GALNTL6: variants seen among roughly 807,000 people sequenced by gnomAD.
GALNTL6 encodes the protein polypeptide N-acetylgalactosaminyltransferase-like 6.
Under a neutral mutation model 73.7 loss-of-function variants are expected in GALNTL6, and 46 were observed. That is an observed-to-expected ratio of 0.62 (90% CI 0.49 to 0.80). The LOEUF is 0.80. Ranked by LOEUF, GALNTL6 falls within the 30% of genes least tolerant of loss-of-function variation. The pLI, the probability that GALNTL6 is intolerant of heterozygous loss-of-function variation, is 0.00. For missense variants in GALNTL6, 604 were observed against 755.0 expected (o/e 0.80, Z 2.34); for synonymous variants, 259 against 263.7 (o/e 0.98, Z 0.17).
chr4:171,919,449 C>T (rs186144913), intron 2 of GALNTL6, among the ~76,000 whole-genome samples: 135 of 152,050 alleles, frequency 8.9e-4, no homozygotes, highest in Middle Eastern at 3.4e-3. Flanking sequence ...TGTTAGAAGA[C>T]GGATTATAGA....
chr4:171,854,414 T>C (rs1188920073), intron 2 of GALNTL6, among the ~76,000 whole-genome samples: 1 of 152,226 alleles, frequency 6.6e-6, no homozygotes, highest in Admixed American at 6.5e-5. Context: ...CAGTTGTCAA[T>C]TTCCATGCAT....
chr4:172,227,338 A>G (rs1283835934), intron 2 of GALNTL6, among the ~76,000 whole-genome samples: 2 of 152,224 alleles, frequency 1.3e-5, no homozygotes, highest in Non-Finnish European at 2.9e-5. Flanking sequence ...GGCTAACAAC[A>G]TAGGCTAACA....
At chr4:172,875,730 T>G (rs1745159320) in intron 7 of GALNTL6, among the ~76,000 whole-genome samples, 1 of 50,796 alleles carries the variant, frequency 2.0e-5, no homozygotes, top group South Asian at 7.7e-4. Context: ...TGCTCATACA[T>G]AAACACACAC....
chr4:172,634,599 A>G (rs1739568903), intron 5 of GALNTL6, among the ~76,000 whole-genome samples: 1 of 152,222 alleles, frequency 6.6e-6, no homozygotes, highest in Non-Finnish European at 1.5e-5. Context: ...CAAAGAGTAG[A>G]AAATCTTTGA....
At chr4:171,942,507 A>G (rs1738581714) in intron 2 of GALNTL6, among the ~76,000 whole-genome samples, 1 of 152,216 alleles carries the variant, frequency 6.6e-6, no homozygotes, top group African/African-American at 2.4e-5. Flanking sequence ...CAAAATATGT[A>G]GGCTAGATTT....
intron 10 of GALNTL6, among the ~76,000 whole-genome samples, chr4:172,969,483 A>G (rs1306570738): frequency 6.6e-6 from 1 of 152,246 alleles, no homozygotes; most frequent in East Asian, 1.9e-4. Flanking sequence ...TAAAAGGACC[A>G]TCTGGGAAAT....
intron 5 of GALNTL6, among the ~76,000 whole-genome samples, chr4:172,570,691 G>T (rs996901372): frequency 6.6e-6 from 1 of 152,004 alleles, no homozygotes; most frequent in Non-Finnish European, 1.5e-5. Context: ...GGGTGGTGCG[G>T]GGATGGTTTC....
chr4:172,421,970 A>G (rs1262276480), intron 5 of GALNTL6, among the ~76,000 whole-genome samples: 1 of 152,116 alleles, frequency 6.6e-6, no homozygotes, highest in Non-Finnish European at 1.5e-5. Context: ...TAATCAAAAA[A>G]TTAGATGTCC....
At chr4:172,084,440 T>C (rs1731968262) in intron 2 of GALNTL6, among the ~76,000 whole-genome samples, 1 of 152,118 alleles carries the variant, frequency 6.6e-6, no homozygotes, top group Non-Finnish European at 1.5e-5. Flanking sequence ...ACCAACTAAA[T>C]GTTATGCCAT....
chr4:172,097,596 A>G (rs550950348), intron 2 of GALNTL6, among the ~76,000 whole-genome samples: 1 of 152,294 alleles, frequency 6.6e-6, no homozygotes, highest in South Asian at 2.1e-4. Flanking sequence ...AGAAACAGAA[A>G]CCATTTTAGA....
chr4:172,226,626 C>T (rs1736878800), intron 2 of GALNTL6, among the ~76,000 whole-genome samples: 1 of 104,702 alleles, frequency 9.6e-6, no homozygotes, highest in Non-Finnish European at 2.0e-5. Context: ...TGTGTTTTCC[C>T]ACAGAGACAT....
chr4:172,229,453 G>A (rs1014736682), intron 2 of GALNTL6, among the ~76,000 whole-genome samples: 1 of 152,152 alleles, frequency 6.6e-6, no homozygotes. Flanking sequence ...CAGGAGAGGT[G>A]TGCTCTCATT....
chr4:172,406,296 A>C (rs903563407), intron 5 of GALNTL6, among the ~76,000 whole-genome samples: 1 of 152,070 alleles, frequency 6.6e-6, no homozygotes, highest in African/African-American at 2.4e-5. Flanking sequence ...GGCTGGGACC[A>C]CAGGCATGTG....
chr4:172,529,006 TACACACACACACACAC>T (rs1554032890), intron 5 of GALNTL6, among the ~76,000 whole-genome samples: 1 of 31,670 alleles, frequency 3.2e-5, no homozygotes, highest in Non-Finnish European at 5.5e-5. Flanking sequence ...TATATATATA[TACACACACACACACAC>T]ATATATATAT....
At chr4:172,030,191 G>T (rs1290989448) in intron 2 of GALNTL6, among the ~76,000 whole-genome samples, 1 of 151,962 alleles carries the variant, frequency 6.6e-6, no homozygotes. Context: ...AATTATTTGA[G>T]CCATGTTACA....
intron 2 of GALNTL6, among the ~76,000 whole-genome samples, chr4:171,851,039 A>T (rs1735509637): frequency 1.3e-5 from 2 of 152,320 alleles, no homozygotes; most frequent in African/African-American, 4.8e-5. Flanking sequence ...ATTTTAATAA[A>T]GGCTCAGGGC....
At chr4:172,572,795 G>A (rs1168226678) in intron 5 of GALNTL6, among the ~76,000 whole-genome samples, 1 of 152,082 alleles carries the variant, frequency 6.6e-6, no homozygotes, top group Non-Finnish European at 1.5e-5. Context: ...TAATAGGAAT[G>A]ATTTAATTAT....
chr4:172,876,874 G>T (rs1745222982), intron 7 of GALNTL6, among the ~76,000 whole-genome samples: 1 of 151,950 alleles, frequency 6.6e-6, no homozygotes, highest in South Asian at 2.1e-4. Context: ...TATATTTTTA[G>T]CTGCAAGTGT....
intron 2 of GALNTL6, among the ~76,000 whole-genome samples, chr4:172,072,863 G>T (rs1731584727): frequency 6.6e-6 from 1 of 152,056 alleles, no homozygotes; most frequent in East Asian, 1.9e-4. Flanking sequence ...CTTTTATACA[G>T]CATAGAAGAT....
Sources: gnomAD v4.1 joint callset for allele counts (sites outside exome capture counted in the v4.1 genomes callset) on GRCh38, gnomAD v4.1.1 for gene constraint, MANE v1.5 for transcripts, NCBI Gene and HGNC (gene_info 2026-07-23, HGNC 2026-07-21) for gene names.